ADAMTSL3: variants seen among roughly 807,000 people sequenced by gnomAD.
The protein encoded by ADAMTSL3 is ADAMTS like 3.
A neutral mutation model predicts 201.7 loss-of-function variants in ADAMTSL3; 128 were observed. The ratio of observed to expected loss-of-function variants is 0.63; its 90% CI spans 0.55 to 0.73. The LOEUF (loss-of-function observed/expected upper bound fraction) is 0.73. Ranked by LOEUF, ADAMTSL3 falls within the 30% of genes least tolerant of loss-of-function variation. ADAMTSL3 has a pLI of 0.00. For missense variants in ADAMTSL3, 1,990 were observed against 2,119.6 expected, an observed-to-expected ratio of 0.94 and a Z score of 1.20; for synonymous variants, 738 against 748.4, an observed-to-expected ratio of 0.99 and a Z score of 0.23.
At chr15:83,918,056 C>T (rs2066071876) in intron 16 of ADAMTSL3, among the ~76,000 whole-genome samples, 1 of 152,064 alleles carries the variant, frequency 6.6e-6, no homozygotes. Flanking sequence ...CATTTTTCAG[C>T]TTATTTTTAT....
At chr15:83,790,655 T>C (rs1199965430) in intron 4 of ADAMTSL3, among the ~76,000 whole-genome samples, 3 of 152,106 alleles carry the variant, frequency 2.0e-5, no homozygotes, top group East Asian at 3.9e-4. Flanking sequence ...CCCTAAGGTA[T>C]AGAATAAGGT....
chr15:83,824,007 CTCT>C (rs1277468172), intron 6 of ADAMTSL3, among the ~76,000 whole-genome samples: 1 of 127,484 alleles, frequency 7.8e-6, no homozygotes, highest in East Asian at 2.3e-4. Flanking sequence ...CTTCTTCTTC[CTCT>C]TCTTTCTTCT....
chr15:83,728,167 G>A (rs574828894), intron 3 of ADAMTSL3, among the ~76,000 whole-genome samples: 4 of 151,492 alleles, frequency 2.6e-5, no homozygotes, highest in South Asian at 2.1e-4. Flanking sequence ...TTTTGTTTAC[G>A]TACAGCTACC....
At chr15:83,995,330 C>G (rs1377252214) in intron 23 of ADAMTSL3, among the ~76,000 whole-genome samples, 2 of 152,140 alleles carry the variant, frequency 1.3e-5, no homozygotes, top group African/African-American at 2.4e-5. Context: ...TGATAAACTT[C>G]AACACGAAAA....
intron 3 of ADAMTSL3, among the ~76,000 whole-genome samples, chr15:83,717,107 T>C (rs138825306): frequency 1.0e-3 from 153 of 152,318 alleles, no homozygotes; most frequent in Non-Finnish European, 2.0e-3. Flanking sequence ...TGAAAAATTA[T>C]AATACCTTGA....
intron 4 of ADAMTSL3, among the ~76,000 whole-genome samples, chr15:83,784,878 A>G (rs1596203069): frequency 2.0e-5 from 3 of 150,948 alleles, no homozygotes; most frequent in East Asian, 3.9e-4. Flanking sequence ...TTTTTTCTTT[A>G]TATCTTTTCT....
At chr15:83,818,029 G>A (rs1191339179) in intron 5 of ADAMTSL3, among the ~76,000 whole-genome samples, 4 of 151,938 alleles carry the variant, frequency 2.6e-5, no homozygotes, top group East Asian at 3.9e-4. Flanking sequence ...AAACGCAAAC[G>A]AAAACAATGA....
intron 20 of ADAMTSL3, among the ~76,000 whole-genome samples, chr15:83,972,375 A>G (rs961578043): frequency 6.6e-5 from 10 of 152,210 alleles, no homozygotes; most frequent in Non-Finnish European, 4.4e-5. Context: ...CATATGGCGT[A>G]CTATCATGCT....
At chr15:83,876,771 A>T (rs915185797) in intron 9 of ADAMTSL3, among the ~76,000 whole-genome samples, 2 of 152,116 alleles carry the variant, frequency 1.3e-5, no homozygotes, top group Non-Finnish European at 2.9e-5. Context: ...AGTTGAGACT[A>T]CATGTGCACA....
chr15:83,986,957 G>A (rs1343735448), intron 21 of ADAMTSL3, among the ~76,000 whole-genome samples: 1 of 152,148 alleles, frequency 6.6e-6, no homozygotes, highest in Non-Finnish European at 1.5e-5. Context: ...GTACCCAGTG[G>A]CCCCACCTGT....
At chr15:83,860,462 G>A (rs567222430) in intron 8 of ADAMTSL3, among the ~76,000 whole-genome samples, 16 of 152,120 alleles carry the variant, frequency 1.1e-4, no homozygotes, top group Non-Finnish European at 2.9e-5. Context: ...TTCACTCTGG[G>A]AATACACTGA....
chr15:83,829,024 G>A (rs989895774), intron 6 of ADAMTSL3, among the ~76,000 whole-genome samples: 10 of 152,164 alleles, frequency 6.6e-5, no homozygotes, highest in Admixed American at 5.9e-4. Context: ...TTGGTATCAG[G>A]ATGATGCTGG....
At chr15:83,735,472 A>G (rs528211416) in intron 3 of ADAMTSL3, among the ~76,000 whole-genome samples, 11 of 152,344 alleles carry the variant, frequency 7.2e-5, no homozygotes, top group Admixed American at 4.6e-4. Context: ...TTGAAAGGAA[A>G]TATTTCAATG....
chr15:83,724,179 A>G (rs1447316461), intron 3 of ADAMTSL3, among the ~76,000 whole-genome samples: 2 of 151,738 alleles, frequency 1.3e-5, no homozygotes, highest in Non-Finnish European at 2.9e-5. Context: ...GCTCACTGCA[A>G]TCTCTGCCTC....
intron 2 of ADAMTSL3, among the ~76,000 whole-genome samples, chr15:83,701,591 C>T (rs1042374652): frequency 2.6e-5 from 4 of 152,138 alleles, no homozygotes; most frequent in Admixed American, 2.6e-4. Flanking sequence ...GAGGTATCCC[C>T]CATACTGTTC....
chr15:83,882,175 G>GA (rs2065285971), intron 9 of ADAMTSL3, among the ~76,000 whole-genome samples: 1 of 151,840 alleles, frequency 6.6e-6, no homozygotes, highest in Non-Finnish European at 1.5e-5. Flanking sequence ...AAGAAAGAAA[G>GA]AAAAAAGACA....
At chr15:83,712,393 G>C (rs2061945125) in intron 3 of ADAMTSL3, among the ~76,000 whole-genome samples, 1 of 152,234 alleles carries the variant, frequency 6.6e-6, no homozygotes. Context: ...GGCCTCACCA[G>C]TGGAGGCTGC....
At chr15:83,855,291 G>T (rs2064708244) in intron 7 of ADAMTSL3, among the ~76,000 whole-genome samples, 1 of 152,126 alleles carries the variant, frequency 6.6e-6, no homozygotes, top group Non-Finnish European at 1.5e-5. Context: ...ACCACCTGTG[G>T]ACATCTCATT....
At chr15:83,669,516 G>A (rs2061297813) in intron 2 of ADAMTSL3, among the ~76,000 whole-genome samples, 1 of 136,432 alleles carries the variant, frequency 7.3e-6, no homozygotes, top group Non-Finnish European at 1.5e-5. Context: ...CTCCCAGGCT[G>A]GAGTGCTGTG....
Sources: allele counts gnomAD v4.1 joint callset (sites outside exome capture counted in the v4.1 genomes callset), GRCh38; gene constraint gnomAD v4.1.1; transcripts MANE v1.5; gene names NCBI Gene and HGNC (gene_info 2026-07-23, HGNC 2026-07-21).